The following ZNF804B variants were observed in gnomAD, a reference collection of about 807,000 sequenced individuals.
The protein encoded by ZNF804B is zinc finger protein 804B.
A neutral mutation model predicts 101.4 loss-of-function variants in ZNF804B; 80 were observed. The observed-to-expected ratio is 0.79, with a 90% CI of 0.66 to 0.95. ZNF804B has a LOEUF of 0.95. ZNF804B is among the 40% of genes least tolerant of loss of function. The probability of loss-of-function intolerance (pLI) is 0.00; values close to 1 mark genes in which losing one functional copy is unlikely to be tolerated. For synonymous variants in ZNF804B, 622 were observed against 558.8 expected (o/e 1.11, Z -1.59); for missense variants, 1,673 against 1,561.9 (o/e 1.07, Z -1.20).
chr7:88,929,759 A>G (rs1307678907), intron 1 of ZNF804B, among the ~76,000 whole-genome samples: 1 of 152,006 alleles, frequency 6.6e-6, no homozygotes, highest in Admixed American at 6.6e-5. Context: ...CAATACTATC[A>G]TTAGTGTAAT....
At chr7:88,895,643 G>T (rs947123090) in intron 1 of ZNF804B, among the ~76,000 whole-genome samples, 7 of 152,118 alleles carry the variant, frequency 4.6e-5, no homozygotes, top group African/African-American at 1.7e-4. Context: ...CTAGGACAGG[G>T]TATACACAAG....
chr7:88,900,960 A>G (rs1792380990), intron 1 of ZNF804B, among the ~76,000 whole-genome samples: 1 of 151,790 alleles, frequency 6.6e-6, no homozygotes, highest in African/African-American at 2.4e-5. Flanking sequence ...AAGTAATTTA[A>G]TGATAAATAC....
intron 1 of ZNF804B, among the ~76,000 whole-genome samples, chr7:89,108,281 C>T (rs534936017): frequency 1.3e-4 from 20 of 148,876 alleles, no homozygotes; most frequent in Non-Finnish European, 2.8e-4. Context: ...GCTTTTATCT[C>T]GACAGAAAGT....
At chr7:88,800,149 C>G (rs1790556063) in intron 1 of ZNF804B, among the ~76,000 whole-genome samples, 1 of 152,056 alleles carries the variant, frequency 6.6e-6, no homozygotes, top group Non-Finnish European at 1.5e-5. Flanking sequence ...TTGGGTACAG[C>G]CTTTCACTAA....
At chr7:88,904,239 C>T (rs1343337966) in intron 1 of ZNF804B, among the ~76,000 whole-genome samples, 1 of 152,036 alleles carries the variant, frequency 6.6e-6, no homozygotes, top group East Asian at 1.9e-4. Context: ...TTTTGTCAGC[C>T]TTGTCAAAGA....
intron 1 of ZNF804B, among the ~76,000 whole-genome samples, chr7:89,018,873 G>T (rs899414814): frequency 7.9e-5 from 12 of 151,920 alleles, no homozygotes; most frequent in Admixed American, 5.2e-4. Context: ...TTATTTATGT[G>T]TGTCTTCTCT....
chr7:88,819,185 G>A (rs546486403), intron 1 of ZNF804B, among the ~76,000 whole-genome samples: 3 of 152,104 alleles, frequency 2.0e-5, no homozygotes, highest in Admixed American at 6.5e-5. Flanking sequence ...ATGCAGTGGC[G>A]CGATCGTGGC....
At chr7:88,851,437 C>T (rs1054027695) in intron 1 of ZNF804B, among the ~76,000 whole-genome samples, 2 of 152,020 alleles carry the variant, frequency 1.3e-5, no homozygotes, top group African/African-American at 4.8e-5. Flanking sequence ...CAGCAGATTT[C>T]TTTGGAAACA....
chr7:89,007,547 AAT>A (rs1221537858), intron 1 of ZNF804B, among the ~76,000 whole-genome samples: 1 of 81,716 alleles, frequency 1.2e-5, no homozygotes, highest in Non-Finnish European at 2.6e-5. Flanking sequence ...AATTATATAT[AAT>A]ATATATTTAT....
At chr7:88,807,538 C>T (rs188419571) in intron 1 of ZNF804B, among the ~76,000 whole-genome samples, 1 of 152,278 alleles carries the variant, frequency 6.6e-6, no homozygotes, top group East Asian at 1.9e-4. Flanking sequence ...CTGGGAAATA[C>T]AATCAGTGTG....
intron 1 of ZNF804B, chr7:88,794,113 A>T: frequency 7.5e-7 from 1 of 1,327,642 alleles, no homozygotes; most frequent in Non-Finnish European, 1.0e-6. Flanking sequence ...CAGTAACTTT[A>T]AAAATGTTTT....
intron 2 of ZNF804B, among the ~76,000 whole-genome samples, chr7:89,282,377 A>T (rs905840784): frequency 2.0e-5 from 3 of 152,136 alleles, no homozygotes; most frequent in Non-Finnish European, 4.4e-5. Context: ...CTAAGACATG[A>T]TTTGGATGGA....
intron 1 of ZNF804B, among the ~76,000 whole-genome samples, chr7:89,043,123 A>C (rs532302120): frequency 4.7e-4 from 71 of 152,332 alleles, no homozygotes; most frequent in African/African-American, 1.7e-3. Flanking sequence ...CAGAAACTTG[A>C]GACGCTCCTT....
intron 1 of ZNF804B, among the ~76,000 whole-genome samples, chr7:89,185,810 A>T (rs2115597224): frequency 6.6e-6 from 1 of 152,182 alleles, no homozygotes; most frequent in South Asian, 2.1e-4. Flanking sequence ...CAGTGAGCCA[A>T]AATCACACCA....
At position 88,856,600 on chromosome 7, in the gene ZNF804B, T is replaced by C. The variant is rs1018107232; in HGVS notation, c.108+96516T>C. 2.6e-3 allele frequency among the ~76,000 whole-genome samples: 402 copies of C among 152,182 alleles called. 2 individuals carry two copies. The highest frequency in any genetic ancestry group is 3.6e-3 in the Non-Finnish European group (245 of 67,988). ...TTTCCTAATTGAATACCCTTTGTTT[T>C]CTTCTCCTGCCTAATTGCCCTGGCT... is the stretch of plus-strand genomic sequence containing the variant. On this transcript the variant is annotated intron_variant, in intron 1 of 3. Coordinates refer to ENST00000333190, the MANE Select transcript of ZNF804B (RefSeq NM_181646.5).
At chr7:89,240,167 A>G (rs1444072132) in intron 2 of ZNF804B, among the ~76,000 whole-genome samples, 5 of 152,086 alleles carry the variant, frequency 3.3e-5, no homozygotes, top group African/African-American at 1.2e-4. Context: ...TCAAATTGTC[A>G]TTTTATAAGT....
At position 89,327,430 on chromosome 7, in the gene ZNF804B, T is replaced by A. The variant is rs1562946677; in HGVS notation, c.336T>A (p.Leu112=). 6.2e-7 allele frequency: 1 copy of A among 1,611,500 alleles called. No individual in the cohort carries two copies. The change falls in exon 3 of 4, where the codon CTT becomes CTA. Residue 112 remains leucine (L), a synonymous_variant. Transcript: ENST00000333190. ...WKDEKKQEKA[L]KRLHQLAELR... is the part of the protein sequence containing the mutation. ...ATGAGAAAAAACAAGAAAAAGCACT[T>A]AAACGACTTCATCAGCTGGCTGAGT...
At chr7:89,261,325 G>A (rs770194346) in intron 2 of ZNF804B, among the ~76,000 whole-genome samples, 1 of 152,066 alleles carries the variant, frequency 6.6e-6, no homozygotes, top group Non-Finnish European at 1.5e-5. Context: ...GTATATACAT[G>A]TATTTTGTGC....
intron 1 of ZNF804B, among the ~76,000 whole-genome samples, chr7:89,158,489 C>A (rs1353829005): frequency 6.6e-6 from 1 of 152,104 alleles, no homozygotes; most frequent in Non-Finnish European, 1.5e-5. Context: ...CCTGCTCCCA[C>A]CTTCTCTGAC....
Sources: gnomAD v4.1 joint callset for allele counts (sites outside exome capture counted in the v4.1 genomes callset) on GRCh38, gnomAD v4.1.1 for gene constraint, MANE v1.5 for transcripts, NCBI Gene and HGNC (gene_info 2026-07-23, HGNC 2026-07-21) for gene names.